GPHN: variants seen among roughly 807,000 people sequenced by gnomAD.
GPHN encodes gephyrin.
GPHN carries 17 observed loss-of-function variants against 95.5 expected under a neutral mutation model. The observed-to-expected ratio is 0.18, with a 90% CI of 0.12 to 0.27. GPHN has a LOEUF of 0.27. Among genes scored for constraint, GPHN ranks in the 10% least tolerant of loss-of-function variants. The probability of loss-of-function intolerance (pLI) is 1.00; values close to 1 mark genes in which losing one functional copy is unlikely to be tolerated. For synonymous variants in GPHN, 320 were observed against 322.5 expected, an observed-to-expected ratio of 0.99 and a Z score of 0.08; for missense variants, 660 against 978.1, an observed-to-expected ratio of 0.67 and a Z score of 4.34.
At chr14:66,610,797 G>C (rs561729765) in intron 1 of GPHN, among the ~76,000 whole-genome samples, 3 of 152,148 alleles carry the variant, frequency 2.0e-5, no homozygotes, top group African/African-American at 7.2e-5. Flanking sequence ...GGGATGGAGA[G>C]TTAGTAGATA....
intron 8 of GPHN, among the ~76,000 whole-genome samples, chr14:66,956,296 T>G (rs1489033430): frequency 6.6e-6 from 1 of 152,230 alleles, no homozygotes; most frequent in African/African-American, 2.4e-5. Context: ...TTTTTATTTG[T>G]CTCAAATTAT....
intron 2 of GPHN, among the ~76,000 whole-genome samples, chr14:66,774,990 T>C (rs2059330274): frequency 6.6e-6 from 1 of 152,178 alleles, no homozygotes; most frequent in Admixed American, 6.5e-5. Context: ...GCCACTGAAA[T>C]TGTGAGATTA....
At chr14:67,712,685 T>C in the GPHN span, among the ~76,000 whole-genome samples, 2 of 152,152 alleles carry the variant, frequency 1.3e-5, no homozygotes, top group South Asian at 2.1e-4. Flanking sequence ...AAATTGCTGC[T>C]ATTTCAGAAG....
At chr14:66,817,959 A>T (rs1465868053) in intron 3 of GPHN, among the ~76,000 whole-genome samples, 1 of 152,178 alleles carries the variant, frequency 6.6e-6, no homozygotes, top group East Asian at 1.9e-4. Context: ...TGACAGGAGG[A>T]TTTACAATGA....
intron 10 of GPHN, among the ~76,000 whole-genome samples, chr14:67,053,933 C>G (rs573679827): frequency 2.0e-5 from 3 of 152,144 alleles, no homozygotes; most frequent in Non-Finnish European, 4.4e-5. Context: ...TAAAAACTTT[C>G]AATAAACTAG....
chr14:67,457,022 C>A, the GPHN span, among the ~76,000 whole-genome samples: 4 of 152,124 alleles, frequency 2.6e-5, no homozygotes, highest in African/African-American at 9.7e-5. Flanking sequence ...TGAATTAATG[C>A]CGAAACAGAA....
At chr14:66,690,778 G>A (rs537867379) in intron 2 of GPHN, among the ~76,000 whole-genome samples, 18 of 151,906 alleles carry the variant, frequency 1.2e-4, no homozygotes, top group African/African-American at 4.1e-4. Context: ...TTTCTTTTTA[G>A]TTGTTTTTTG....
the GPHN span, among the ~76,000 whole-genome samples, chr14:67,273,962 T>A: frequency 6.6e-6 from 1 of 152,214 alleles, no homozygotes; most frequent in Admixed American, 6.5e-5. Context: ...CACTTTTTGA[T>A]GGGGTTGTTT....
chr14:67,511,422 G>A, the GPHN span, among the ~76,000 whole-genome samples: 2 of 152,242 alleles, frequency 1.3e-5, no homozygotes, highest in South Asian at 4.2e-4. Flanking sequence ...CTGAGGACCC[G>A]AGACCTGTCC....
the GPHN span, chr14:67,393,326 T>C: frequency 1.1e-6 from 1 of 896,060 alleles, no homozygotes; most frequent in African/African-American, 1.6e-5. Flanking sequence ...GCTAAGGGTA[T>C]AAAGCAAGTG....
chr14:67,429,404 T>C, the GPHN span, among the ~76,000 whole-genome samples: 1 of 151,558 alleles, frequency 6.6e-6, no homozygotes, highest in Non-Finnish European at 1.5e-5. Flanking sequence ...CCAATTTTTG[T>C]ATTTTTAGTA....
the GPHN span, among the ~76,000 whole-genome samples, chr14:67,642,795 T>TTTC: frequency 3.4e-5 from 3 of 87,054 alleles, no homozygotes; most frequent in African/African-American, 1.7e-4. Flanking sequence ...TACATTTTCT[T>TTTC]TTTTTTTTTT....
chr14:67,221,892 A>G, the GPHN span: 8 of 1,543,676 alleles, frequency 5.2e-6, no homozygotes, highest in Admixed American at 3.8e-5. Flanking sequence ...TAGTGTGGCT[A>G]AGAGCAAAGG....
At chr14:67,357,490 T>C in the GPHN span, among the ~76,000 whole-genome samples, 339 of 152,362 alleles carry the variant, frequency 2.2e-3, 1 homozygote, top group Non-Finnish European at 4.0e-3. Flanking sequence ...TTTCAAATAG[T>C]AGTTTCACCT....
intron 8 of GPHN, among the ~76,000 whole-genome samples, chr14:66,931,368 G>A (rs3902649): frequency 0.012 from 1,876 of 152,076 alleles, 19 homozygotes; most frequent in Non-Finnish European, 0.018. Flanking sequence ...TGTAGCCTTC[G>A]TGTACTTGAA....
chr14:67,707,051 G>A, the GPHN span, among the ~76,000 whole-genome samples: 1 of 152,202 alleles, frequency 6.6e-6, no homozygotes, highest in East Asian at 1.9e-4. Context: ...TATGAAAGCG[G>A]TTTATGTATG....
chr14:66,663,562 C>T (rs2065780183), intron 1 of GPHN, among the ~76,000 whole-genome samples: 1 of 152,142 alleles, frequency 6.6e-6, no homozygotes. Flanking sequence ...AAAGTAACCA[C>T]AAGTTATTTT....
At chr14:66,632,435 A>AAGGTTG (rs1191819147) in intron 1 of GPHN, among the ~76,000 whole-genome samples, 1 of 151,884 alleles carries the variant, frequency 6.6e-6, no homozygotes, top group East Asian at 1.9e-4. Flanking sequence ...CATTAATGTA[A>AAGGTTG]AGGTTGACTT....
At chr14:67,387,607 A>G in the GPHN span, 1 of 796,722 alleles carries the variant, frequency 1.3e-6, no homozygotes, top group Non-Finnish European at 1.9e-6. Flanking sequence ...ATCCTATCAG[A>G]TGAGGTCCCC....
Sources: allele counts gnomAD v4.1 joint callset (sites outside exome capture counted in the v4.1 genomes callset), GRCh38; gene constraint gnomAD v4.1.1; transcripts MANE v1.5; gene names NCBI Gene and HGNC (gene_info 2026-07-23, HGNC 2026-07-21).